The following MYO16 variants were observed in gnomAD, a reference collection of about 807,000 sequenced individuals.
MYO16 encodes the protein myosin XVI.
In MYO16, 94 loss-of-function variants were observed where a neutral mutation model predicts 205.3. The ratio of observed to expected loss-of-function variants is 0.46; its 90% CI spans 0.39 to 0.54. The LOEUF (loss-of-function observed/expected upper bound fraction) is 0.54. Ranked by LOEUF, MYO16 falls within the 20% of genes least tolerant of loss-of-function variation. MYO16 has a pLI of 0.00. For missense variants in MYO16, 2,315 were observed against 2,387.5 expected, an observed-to-expected ratio of 0.97 and a Z score of 0.63; for synonymous variants, 988 against 954.0, an observed-to-expected ratio of 1.04 and a Z score of -0.66.
At chr13:109,168,550 C>T (rs747844143) in intron 33 of MYO16, among the ~76,000 whole-genome samples, 3 of 151,792 alleles carry the variant, frequency 2.0e-5, no homozygotes, top group African/African-American at 4.8e-5. Flanking sequence ...ATGGTGAAAC[C>T]CCCATCTCTA....
chr13:108,885,165 G>C (rs1879809157), intron 13 of MYO16, among the ~76,000 whole-genome samples: 1 of 152,192 alleles, frequency 6.6e-6, no homozygotes, highest in African/African-American at 2.4e-5. Flanking sequence ...TGTTGCCCAG[G>C]CTGGAGTGCA....
chr13:108,880,046 T>C (rs562468745), intron 12 of MYO16, among the ~76,000 whole-genome samples: 290 of 152,302 alleles, frequency 1.9e-3, no homozygotes, highest in Non-Finnish European at 3.3e-3. Flanking sequence ...TTTTTAATGA[T>C]CGCCATTCTA....
At chr13:108,836,414 C>G (rs1049642377) in intron 9 of MYO16, among the ~76,000 whole-genome samples, 17 of 152,192 alleles carry the variant, frequency 1.1e-4, no homozygotes, top group African/African-American at 3.6e-4. Flanking sequence ...CCTGCTAGGG[C>G]AGTGTGGAAG....
intron 16 of MYO16, among the ~76,000 whole-genome samples, chr13:108,944,112 G>C (rs1882843169): frequency 6.6e-6 from 1 of 152,158 alleles, no homozygotes; most frequent in African/African-American, 2.4e-5. Flanking sequence ...TTCTGACTCT[G>C]TCTCGTCTAG....
chr13:109,117,018 T>C (rs1875724744), intron 28 of MYO16, among the ~76,000 whole-genome samples: 3 of 152,182 alleles, frequency 2.0e-5, no homozygotes, highest in South Asian at 4.1e-4. Flanking sequence ...TTGATGGAGG[T>C]TGGAGATCTG....
At chr13:109,161,184 A>G (rs1320756038) in intron 32 of MYO16, among the ~76,000 whole-genome samples, 2 of 152,228 alleles carry the variant, frequency 1.3e-5, no homozygotes, top group Admixed American at 6.5e-5. Context: ...CCGCAGCACT[A>G]TTGCAGCTGC....
chr13:108,877,145 A>T (rs1879368630), intron 12 of MYO16, among the ~76,000 whole-genome samples: 1 of 152,082 alleles, frequency 6.6e-6, no homozygotes, highest in Non-Finnish European at 1.5e-5. Context: ...TTATTTCTGT[A>T]TTTTCTGCTC....
In MYO16 at chr13:109,140,980, TC is replaced by T; in HGVS notation, c.4772del (p.Pro1591ArgfsTer34). 7.2e-7 allele frequency: 1 copy of T among 1,390,138 alleles called. No individual in the cohort carries two copies. 86.1% of individuals were successfully genotyped at this position (1,390,138 alleles called of 1,614,324 possible). A position where few individuals can be genotyped will look rare whatever the true frequency, so the allele number is the denominator to read the frequency against. Reference sequence around the variant, plus strand: ...GCTGTTCAACGGGTCCGGCCGAGCCTCCCCGCCGTCCACGCCGCCCCCGCCC... The same window carrying T: ...GCTGTTCAACGGGTCCGGCCGAGCCTCCCGCCGTCCACGCCGCCCCCGCCC... The part of the protein sequence containing the change: ...LALFNGSGRA[S>X]PPSTPPPPPP... On this transcript the variant is annotated frameshift_variant, in exon 32 of 35. Transcript: ENST00000457511. LOFTEE classifies it high-confidence loss of function. The surrounding 1 kb of genome is among the most constrained non-coding windows in gnomAD (Gnocchi z 8.0).
At position 108,844,435 on chromosome 13, in the gene MYO16, A is replaced by C; in HGVS notation, c.1190A>C (p.Gln397Pro). Reference protein sequence around the residue: ...KDATKGLCKQQSQDSIPENPM... With the variant: ...KDATKGLCKQPSQDSIPENPM... ...GCAACAAAAGGTCTGTGTAAGCAGC[A>C]GTCTCAGGACAGCATCCCTGAAAAC... Residue 397 changes from glutamine to proline, a missense_variant, in exon 10 of 35, where the codon CAG becomes CCG. This residue lies in a region of MYO16 where 1,213 missense variants were observed against 1,274.4 expected (regional missense o/e 0.95). Transcript: ENST00000457511. The C allele has an allele frequency of 6.2e-7, 1 of 1,613,380 alleles. No homozygotes were observed. The highest frequency in any genetic ancestry group is 1.3e-5 in the African/African-American group (1 of 75,060).
At chr13:109,038,626 C>G (rs1470476180) in intron 23 of MYO16, among the ~76,000 whole-genome samples, 1 of 152,032 alleles carries the variant, frequency 6.6e-6, no homozygotes, top group Non-Finnish European at 1.5e-5. Flanking sequence ...TTATACTATA[C>G]TACTGGTTCT....
chr13:108,765,668 C>G (rs1885755879), intron 4 of MYO16, among the ~76,000 whole-genome samples: 1 of 152,186 alleles, frequency 6.6e-6, no homozygotes, highest in Non-Finnish European at 1.5e-5. Context: ...CCCGGGGACC[C>G]ATCCTCCCCT....
chr13:108,556,136 T>C, the MYO16 span, among the ~76,000 whole-genome samples: 1 of 151,970 alleles, frequency 6.6e-6, no homozygotes, highest in East Asian at 1.9e-4. Flanking sequence ...ACACTGACTT[T>C]ATTTCCTTTG....
intron 31 of MYO16, among the ~76,000 whole-genome samples, chr13:109,137,414 C>A (rs988310650): frequency 6.6e-6 from 1 of 152,230 alleles, no homozygotes; most frequent in Non-Finnish European, 1.5e-5. Context: ...CAATCTCTTA[C>A]AAATCCTTTA....
At chr13:109,028,859 C>T (rs1032445581) in intron 23 of MYO16, among the ~76,000 whole-genome samples, 16 of 151,618 alleles carry the variant, frequency 1.1e-4, no homozygotes, top group Admixed American at 1.1e-3. Context: ...ATGGGAATGA[C>T]GTGAGGAAAA....
At chr13:108,501,362 C>G in the MYO16 span, among the ~76,000 whole-genome samples, 11 of 152,136 alleles carry the variant, frequency 7.2e-5, no homozygotes, top group Admixed American at 3.3e-4. Context: ...CACCTGTTAT[C>G]GTATCTCTCC....
At chr13:108,834,683 T>C (rs1876810473) in intron 9 of MYO16, among the ~76,000 whole-genome samples, 1 of 151,416 alleles carries the variant, frequency 6.6e-6, no homozygotes, top group Non-Finnish European at 1.5e-5. Flanking sequence ...CATATATATA[T>C]GTGAATATAT....
intron 21 of MYO16, among the ~76,000 whole-genome samples, chr13:108,998,532 T>A (rs1885109916): frequency 6.6e-6 from 1 of 152,228 alleles, no homozygotes; most frequent in African/African-American, 2.4e-5. Context: ...TACATATTTT[T>A]TAGTGTTCCA....
At chr13:108,588,835 C>A in the MYO16 span, among the ~76,000 whole-genome samples, 27 of 152,024 alleles carry the variant, frequency 1.8e-4, no homozygotes, top group Non-Finnish European at 3.5e-4. Context: ...CCTGCCTAAC[C>A]ACGATGGGCA....
At chr13:108,636,662 G>C (rs1051223059) in intron 1 of MYO16, among the ~76,000 whole-genome samples, 1 of 152,118 alleles carries the variant, frequency 6.6e-6, no homozygotes. Context: ...ACAGGCGTGA[G>C]CCACTGTGCC....
Sources: allele counts gnomAD v4.1 joint callset (sites outside exome capture counted in the v4.1 genomes callset), GRCh38; gene constraint gnomAD v4.1.1; regional missense constraint gnomAD v4.1.1; non-coding constraint Gnocchi (gnomAD v3.1); transcripts MANE v1.5; gene names NCBI Gene and HGNC (gene_info 2026-07-23, HGNC 2026-07-21).